CSNK1A1: variants seen among roughly 807,000 people sequenced by gnomAD.
CSNK1A1 encodes casein kinase I isoform alpha.
In CSNK1A1, 7 loss-of-function variants were observed where a neutral mutation model predicts 46.1. The observed-to-expected ratio is 0.15, with a 90% confidence interval of 0.09 to 0.29. CSNK1A1 has a LOEUF of 0.29. CSNK1A1 is among the 10% of genes least tolerant of loss of function. The pLI is 1.00. For synonymous variants in CSNK1A1, 137 were observed against 141.5 expected, an observed-to-expected ratio of 0.97 and a Z score of 0.23; for missense variants, 96 against 417.1, an observed-to-expected ratio of 0.23 and a Z score of 6.71.
chr5:149,516,648 G>A lies in CSNK1A1; in HGVS notation c.457-3439C>T, dbSNP rs535577539. 1.8e-3 allele frequency among the ~76,000 whole-genome samples: 272 copies of A among 152,122 alleles called. 1 individual carries two copies. The highest frequency in any genetic ancestry group is 5.2e-3 in the South Asian group (25 of 4,822). ...AAATGTAAGCAAAATATGTGAATGG[G>A]TAAGTAAAAATGAGGCACTATAAAA... On this transcript the variant is annotated intron_variant, in intron 4 of 9. Transcript: ENST00000377843.
chr5:149,501,418 C>A (rs967405451), intron 9 of CSNK1A1: 2 of 985,328 alleles, frequency 2.0e-6, no homozygotes, highest in South Asian at 9.4e-5. Flanking sequence ...GAGTGACCAG[C>A]ACATTCCTAG....
intron 2 of CSNK1A1, among the ~76,000 whole-genome samples, chr5:149,535,991 T>C (rs1157104523): frequency 6.6e-6 from 1 of 151,738 alleles, no homozygotes. Context: ...TTTGCTCTCG[T>C]TGCCCAGGCT....
At chr5:149,526,817 T>C (rs560183072) in intron 2 of CSNK1A1, among the ~76,000 whole-genome samples, 26 of 152,208 alleles carry the variant, frequency 1.7e-4, no homozygotes, top group African/African-American at 6.3e-4. Context: ...TAATTTCAGA[T>C]CTATTCAGAT....
intron 9 of CSNK1A1, chr5:149,505,076 A>T: frequency 1.0e-6 from 1 of 992,616 alleles, no homozygotes. Flanking sequence ...TTAGAAATCA[A>T]CAAGTGTTAG....
chr5:149,496,590 C>A lies in CSNK1A1; in HGVS notation c.*263G>T. 1 of 415,392 alleles carries A rather than the reference C, an allele frequency of 2.4e-6. No individual in the cohort carries two copies. The highest frequency in any genetic ancestry group is 4.2e-6 in the Non-Finnish European group (1 of 238,014). 25.7% of individuals were successfully genotyped at this position (415,392 alleles called of 1,614,324 possible). The stretch of plus-strand genomic sequence containing the variant: ...GTGTCAACCATTTAGTTAACTTTTC[C>A]ACTTGAAAAAATGCAATAGAAAACC... On this transcript the variant is annotated 3_prime_UTR_variant, in exon 10 of 10. Coordinates refer to ENST00000377843, the MANE Select transcript of CSNK1A1 (RefSeq NM_001892.6).
intron 2 of CSNK1A1, among the ~76,000 whole-genome samples, chr5:149,544,087 C>T (rs1268752449): frequency 6.6e-6 from 1 of 152,096 alleles, no homozygotes; most frequent in African/African-American, 2.4e-5. Flanking sequence ...AAGTAGGGAA[C>T]CCTTGTTCAA....
At chr5:149,507,161 T>A (rs759225086) in intron 7 of CSNK1A1, 28 bp from the exon 8 acceptor site, 90 of 1,496,566 alleles carry the variant, frequency 6.0e-5, no homozygotes, top group Non-Finnish European at 7.6e-5. Flanking sequence ...AAAACAAAGT[T>A]AAAAACAAAC....
chr5:149,543,557 C>T (rs985806789), intron 2 of CSNK1A1, among the ~76,000 whole-genome samples: 5 of 151,942 alleles, frequency 3.3e-5, no homozygotes, highest in East Asian at 1.9e-4. Flanking sequence ...TCCAATGCAG[C>T]GTCATCTTTA....
rs368053955 is a variant in CSNK1A1, at chr5:149,523,140, A to G, written c.357+1905T>C. Among the ~76,000 whole-genome samples the G allele has an allele frequency of 2.0e-4, 30 of 150,584 alleles. No homozygotes were observed. The South Asian group carries it at 5.9e-3, about 29-fold the overall frequency. ...ACTGCAATCTCCACCTCCTGGGTTC[A>G]TGTGATTCTCATGCCTCAGCCTCCC... On this transcript the variant is annotated intron_variant, in intron 3 of 9. Transcript: ENST00000377843.
At chr5:149,549,587 C>T in intron 2 of CSNK1A1, 1 of 676,714 alleles carries the variant, frequency 1.5e-6, no homozygotes, top group Non-Finnish European at 2.7e-6. Context: ...GGTTGAGTCA[C>T]GTCGTTCCGC....
intron 9 of CSNK1A1, among the ~76,000 whole-genome samples, chr5:149,500,367 G>C (rs1216691859): frequency 6.6e-6 from 1 of 152,030 alleles, no homozygotes; most frequent in Admixed American, 6.6e-5. Context: ...TGGATATCCT[G>C]ACCTTGTGAT....
chr5:149,542,566 C>T lies in CSNK1A1; in HGVS notation c.230+7509G>A, dbSNP rs116794976. 8.6e-3 allele frequency among the ~76,000 whole-genome samples: 957 copies of T among 110,974 alleles called. 17 individuals are homozygous for T. The highest frequency in any genetic ancestry group is 0.031 in the African/African-American group (909 of 28,988). The allele number at this position is 110,974 out of a possible 152,430, so 72.8% of individuals were successfully genotyped here. A position where few individuals can be genotyped will look rare whatever the true frequency, so the allele number is the denominator to read the frequency against. On this transcript the variant is annotated intron_variant, in intron 2 of 9. Transcript: ENST00000377843. ...CCCACATACTTTACATGGGTTCAAG[C>T]ATTTACTCCGAAATGAGATACAAAT...
chr5:149,517,642 AAGTATG>A lies in CSNK1A1; in HGVS notation c.456+2642_456+2647del, dbSNP rs1761442334. On this transcript the variant is annotated intron_variant, in intron 4 of 9. Coordinates refer to ENST00000377843, the MANE Select transcript of CSNK1A1 (RefSeq NM_001892.6). This position sits in a 1 kb window ranked among gnomAD's most constrained non-coding sequence, Gnocchi z 4.4. ...ATATCTTAGTAATGTTATGTTTGCC[AAGTATG>A]TCTGAATAATGCCAACGTAAGAGGT... is the stretch of plus-strand genomic sequence containing the variant. Among the ~76,000 whole-genome samples the A allele has an allele frequency of 6.6e-6, 1 of 152,206 alleles. No individual in the cohort carries two copies. The highest frequency in any genetic ancestry group is 6.5e-5 in the Admixed American group (1 of 15,292).
At chr5:149,503,672 AC>A in intron 9 of CSNK1A1, 1 of 985,456 alleles carries the variant, frequency 1.0e-6, no homozygotes, top group Non-Finnish European at 1.2e-6. Flanking sequence ...AATGAAACTA[AC>A]TCAGTGGATC....
chr5:149,499,492 T>G (rs1028807873), intron 9 of CSNK1A1, among the ~76,000 whole-genome samples: 3 of 152,130 alleles, frequency 2.0e-5, no homozygotes, highest in Non-Finnish European at 4.4e-5. Context: ...CCAGACGAGG[T>G]GGCTCACATC....
At chr5:149,547,151 G>A (rs1454301462) in intron 2 of CSNK1A1, among the ~76,000 whole-genome samples, 3 of 152,104 alleles carry the variant, frequency 2.0e-5, no homozygotes, top group African/African-American at 7.2e-5. Flanking sequence ...AGTTCACCAA[G>A]CTTTCTTCCT....
chr5:149,535,564 A>G (rs1053431304), intron 2 of CSNK1A1, among the ~76,000 whole-genome samples: 1 of 152,206 alleles, frequency 6.6e-6, no homozygotes, highest in African/African-American at 2.4e-5. Flanking sequence ...TTCAGAAAGA[A>G]AAAAAGAAAT....
At chr5:149,515,260 A>G (rs1032557050) in intron 4 of CSNK1A1, among the ~76,000 whole-genome samples, 9 of 152,240 alleles carry the variant, frequency 5.9e-5, no homozygotes, top group Non-Finnish European at 1.0e-4. Context: ...ATGAAGGACA[A>G]AAGGGAAGAG....
rs1015448344 is a variant in CSNK1A1 at position 149,493,660 on chromosome 5, T to C, written c.*3193A>G. The C allele has an allele frequency of 6.7e-6, 1 of 149,772 alleles. No homozygotes were observed. The allele number at this position is 149,772 out of a possible 1,614,324, so 9.3% of individuals were successfully genotyped here. On this transcript the variant is annotated 3_prime_UTR_variant, in exon 10 of 10. Transcript: ENST00000377843. ...AAGATTGTCATTAAGAATATTACAA[T>C]AGAAATGGAAGTTTTGAGGAGGAAG...
Sources: allele counts gnomAD v4.1 joint callset (sites outside exome capture counted in the v4.1 genomes callset), GRCh38; gene constraint gnomAD v4.1.1; non-coding constraint Gnocchi (gnomAD v3.1); transcripts MANE v1.5; gene names NCBI Gene and HGNC (gene_info 2026-07-23, HGNC 2026-07-21).